Variants in PTPRG observed in about 807,000 individuals in gnomAD.
PTPRG encodes receptor-type tyrosine-protein phosphatase gamma.
PTPRG carries 102 observed loss-of-function variants against 165.3 expected under a neutral mutation model. The ratio of observed to expected loss-of-function variants is 0.62; its 90% CI spans 0.53 to 0.73. The LOEUF is 0.73. Among genes scored for constraint, PTPRG ranks in the 30% least tolerant of loss-of-function variants. PTPRG has a pLI of 0.00. For synonymous variants in PTPRG, 675 were observed against 669.5 expected (o/e 1.01, Z -0.13); for missense variants, 1,866 against 1,861.4 (o/e 1.00, Z -0.05).
At chr3:61,934,923 A>G (rs1327384373) in intron 2 of PTPRG, among the ~76,000 whole-genome samples, 2 of 152,142 alleles carry the variant, frequency 1.3e-5, no homozygotes, top group African/African-American at 2.4e-5. Flanking sequence ...GATGCATGGG[A>G]TGCGTTGCTT....
chr3:62,291,880 C>T (rs1322666998), intron 28 of PTPRG, among the ~76,000 whole-genome samples: 1 of 152,110 alleles, frequency 6.6e-6, no homozygotes, highest in Non-Finnish European at 1.5e-5. Flanking sequence ...ATAGAAAGTG[C>T]TCTCATTAGG....
At chr3:61,882,261 G>T (rs2037908689) in intron 2 of PTPRG, among the ~76,000 whole-genome samples, 1 of 152,234 alleles carries the variant, frequency 6.6e-6, no homozygotes, top group African/African-American at 2.4e-5. Flanking sequence ...CCAGTGACTA[G>T]TTGGGAAGTT....
intron 1 of PTPRG, 86 bp downstream of exon 1, chr3:61,562,458 C>T (rs938261354): frequency 1.7e-5 from 23 of 1,334,420 alleles, no homozygotes; most frequent in Non-Finnish European, 2.4e-5. Context: ...AGCTCCGGCG[C>T]CCGTCCGGGA....
intron 2 of PTPRG, among the ~76,000 whole-genome samples, chr3:61,809,406 A>G (rs1414035250): frequency 6.6e-6 from 1 of 152,140 alleles, no homozygotes; most frequent in Non-Finnish European, 1.5e-5. Context: ...AGCTGAGCCC[A>G]GAAGAATAAC....
intron 12 of PTPRG, among the ~76,000 whole-genome samples, chr3:62,208,961 C>T (rs540402068): frequency 1.6e-4 from 24 of 152,128 alleles, no homozygotes; most frequent in Admixed American, 2.6e-4. Flanking sequence ...GCCACACGGC[C>T]CATGGCAAGA....
intron 2 of PTPRG, among the ~76,000 whole-genome samples, chr3:61,841,834 C>T (rs1264425800): frequency 6.6e-6 from 1 of 151,966 alleles, no homozygotes; most frequent in African/African-American, 2.4e-5. Context: ...AAAAACAAAA[C>T]AAAACAAAAC....
intron 2 of PTPRG, among the ~76,000 whole-genome samples, chr3:61,898,160 C>A (rs766047452): frequency 3.9e-5 from 6 of 152,176 alleles, no homozygotes; most frequent in Non-Finnish European, 5.9e-5. Flanking sequence ...GGTCTTTCAT[C>A]ATTAAGTATG....
chr3:62,141,303 A>G (rs1043737944), intron 6 of PTPRG, among the ~76,000 whole-genome samples: 1 of 152,170 alleles, frequency 6.6e-6, no homozygotes, highest in Non-Finnish European at 1.5e-5. Flanking sequence ...AAACTCATAT[A>G]TGTGTACCAA....
chr3:61,813,215 G>T (rs1265568076), intron 2 of PTPRG, among the ~76,000 whole-genome samples: 5 of 151,620 alleles, frequency 3.3e-5, no homozygotes, highest in African/African-American at 1.2e-4. Flanking sequence ...TGTGGGTATG[G>T]CTGGGCACAG....
At chr3:62,087,459 A>G (rs1701789119) in intron 5 of PTPRG, among the ~76,000 whole-genome samples, 1 of 152,226 alleles carries the variant, frequency 6.6e-6, no homozygotes, top group Non-Finnish European at 1.5e-5. Flanking sequence ...TACAAACACC[A>G]CTAATAAAAG....
chr3:61,641,807 A>G (rs566753870), intron 1 of PTPRG, among the ~76,000 whole-genome samples: 2 of 152,326 alleles, frequency 1.3e-5, no homozygotes, highest in South Asian at 4.1e-4. Flanking sequence ...TGCCTTTTAG[A>G]AAAATTGCAA....
intron 5 of PTPRG, among the ~76,000 whole-genome samples, chr3:62,082,504 C>CA (rs1316093725): frequency 6.6e-6 from 1 of 152,202 alleles, no homozygotes; most frequent in Non-Finnish European, 1.5e-5. Flanking sequence ...AGGTTTTACA[C>CA]AAAATGTCTT....
At chr3:62,083,853 G>A (rs1308369575) in intron 5 of PTPRG, among the ~76,000 whole-genome samples, 1 of 152,172 alleles carries the variant, frequency 6.6e-6, no homozygotes, top group Non-Finnish European at 1.5e-5. Context: ...ATGGATTTCA[G>A]TCAGATGCAC....
At chr3:62,108,312 G>A (rs1702545312) in intron 5 of PTPRG, among the ~76,000 whole-genome samples, 1 of 151,684 alleles carries the variant, frequency 6.6e-6, no homozygotes, top group African/African-American at 2.4e-5. Flanking sequence ...TTCTGTCCTT[G>A]TGATAGTTTG....
chr3:61,889,383 TC>T (rs1046156953), intron 2 of PTPRG, among the ~76,000 whole-genome samples: 2 of 152,216 alleles, frequency 1.3e-5, no homozygotes, highest in African/African-American at 4.8e-5. Context: ...AAATTGATTG[TC>T]CCAGATTTGG....
chr3:62,258,063 G>A (rs918972659), intron 16 of PTPRG, among the ~76,000 whole-genome samples: 4 of 152,112 alleles, frequency 2.6e-5, no homozygotes, highest in East Asian at 1.9e-4. Context: ...ATCATGCCTC[G>A]GTGCCTTAAC....
At chr3:61,873,422 T>C (rs1259556702) in intron 2 of PTPRG, among the ~76,000 whole-genome samples, 1 of 152,174 alleles carries the variant, frequency 6.6e-6, no homozygotes, top group Admixed American at 6.5e-5. Flanking sequence ...AAATCATATT[T>C]TAAATATAGT....
chr3:61,783,399 ATACT>A (rs1259116916), intron 2 of PTPRG, among the ~76,000 whole-genome samples: 8 of 152,198 alleles, frequency 5.3e-5, no homozygotes, highest in African/African-American at 1.9e-4. Flanking sequence ...AGGAACTAAA[ATACT>A]TAAAGAGTGT....
At chr3:61,934,014 C>T (rs1416738422) in intron 2 of PTPRG, among the ~76,000 whole-genome samples, 2 of 152,158 alleles carry the variant, frequency 1.3e-5, no homozygotes, top group African/African-American at 4.8e-5. Context: ...CCTGTGTTTT[C>T]GTGTCTGAAT....
Sources: gnomAD v4.1 joint callset for allele counts (sites outside exome capture counted in the v4.1 genomes callset) on GRCh38, gnomAD v4.1.1 for gene constraint, MANE v1.5 for transcripts, NCBI Gene and HGNC (gene_info 2026-07-23, HGNC 2026-07-21) for gene names.